Variants in STYK1 observed in about 807,000 individuals in gnomAD.
The protein encoded by STYK1 is STY kinase 1.
STYK1 carries 46 observed loss-of-function variants against 48.1 expected under a neutral mutation model. That is an observed-to-expected ratio of 0.96 (90% CI 0.75 to 1.22). STYK1 has a LOEUF of 1.22. STYK1 is among the 50% of genes most tolerant of loss of function. The pLI, the probability that STYK1 is intolerant of heterozygous loss-of-function variation, is 0.00. For synonymous variants in STYK1, 188 were observed against 189.0 expected, an observed-to-expected ratio of 0.99 and a Z score of 0.04; for missense variants, 527 against 521.1, an observed-to-expected ratio of 1.01 and a Z score of -0.11.
At position 10,673,956 on chromosome 12, in the gene STYK1, C is replaced by G. The variant is rs922731096; in HGVS notation, c.-195+10G>C. ...CCCGCCGCGCCCGCCCCCCATACCC[C>G]GTTCACTACCGTGTCCCTCCTCTGG... On this transcript the variant is annotated intron_variant, in intron 1 of 10. Transcript: ENST00000075503. 2 of 152,354 alleles carry G rather than the reference C, an allele frequency of 1.3e-5. No individual in the cohort carries two copies. Among genetic ancestry groups the G allele is most frequent in the African/African-American group, 2.4e-5 (1 of 41,438 alleles). The allele number at this position is 152,354 out of a possible 1,614,324, so 9.4% of individuals were successfully genotyped here. A position where few individuals can be genotyped will look rare whatever the true frequency, so the allele number is the denominator to read the frequency against.
At chr12:10,647,144 C>T (rs1217573729) in intron 1 of STYK1, among the ~76,000 whole-genome samples, 1 of 152,214 alleles carries the variant, frequency 6.6e-6, no homozygotes, top group Non-Finnish European at 1.5e-5. Context: ...GGGTTACCAT[C>T]CTCCAAAACC....
chr12:10,660,640 A>G (rs1171189492), intron 1 of STYK1, among the ~76,000 whole-genome samples: 4 of 32,436 alleles, frequency 1.2e-4, no homozygotes, highest in South Asian at 1.6e-3. Context: ...CTGATAAAAC[A>G]GAATGTGGCA....
chr12:10,663,535 C>G (rs551269565), intron 1 of STYK1, among the ~76,000 whole-genome samples: 14 of 126,732 alleles, frequency 1.1e-4, no homozygotes, highest in African/African-American at 3.7e-4. Context: ...GGAGGCGGAG[C>G]TTGCAGTGAG....
intron 1 of STYK1, among the ~76,000 whole-genome samples, chr12:10,665,013 C>T (rs181881153): frequency 3.8e-4 from 57 of 151,516 alleles, no homozygotes; most frequent in Admixed American, 3.3e-3. Flanking sequence ...GATGTGGGAC[C>T]TTCCAATCAT....
rs1224073105 is a variant in STYK1 at position 10,672,434 on chromosome 12, G to A, written c.-195+1532C>T. Among the ~76,000 whole-genome samples the A allele has an allele frequency of 1.3e-5, 2 of 151,818 alleles. No individual in the cohort carries two copies. The highest frequency in any genetic ancestry group is 1.5e-5 in the Non-Finnish European group (1 of 67,964). On this transcript the variant is annotated intron_variant, in intron 1 of 10. Coordinates refer to ENST00000075503, the MANE Select transcript of STYK1 (RefSeq NM_018423.3). This position sits in a 1 kb window ranked among gnomAD's most constrained non-coding sequence, Gnocchi z 4.0. ...TGTATTTTTGGTAGAGATGGGTTTC[G>A]CCAAGTTGCCCAGGCTGGTCTCAAA...
intron 1 of STYK1, among the ~76,000 whole-genome samples, chr12:10,668,949 G>C (rs1485510325): frequency 6.6e-6 from 1 of 152,166 alleles, no homozygotes; most frequent in Non-Finnish European, 1.5e-5. Flanking sequence ...CAGAAAGCAT[G>C]TTGGAGAACT....
intron 1 of STYK1, among the ~76,000 whole-genome samples, chr12:10,647,367 C>G (rs552439160): frequency 3.0e-4 from 45 of 152,350 alleles, no homozygotes; most frequent in African/African-American, 1.0e-3. Context: ...TAAGATTTGA[C>G]TGGTCTGCTG....
chr12:10,653,811 C>T (rs919625987), intron 1 of STYK1, among the ~76,000 whole-genome samples: 4 of 152,200 alleles, frequency 2.6e-5, no homozygotes, highest in Admixed American at 2.6e-4. Flanking sequence ...AAACGTGGCA[C>T]TGCATTAATG....
chr12:10,630,818 C>T (rs1054500527), intron 5 of STYK1, among the ~76,000 whole-genome samples: 1 of 151,916 alleles, frequency 6.6e-6, no homozygotes, highest in East Asian at 1.9e-4. Context: ...TTGTAGTAGT[C>T]ATTTTAGTTA....
intron 1 of STYK1, among the ~76,000 whole-genome samples, chr12:10,661,232 T>A: frequency 6.6e-6 from 1 of 152,366 alleles, no homozygotes. Flanking sequence ...AATTTTTATT[T>A]ACATTAAACA....
intron 3 of STYK1, 29 bp from the exon 4 acceptor site, chr12:10,634,153 G>C: frequency 6.9e-7 from 1 of 1,439,718 alleles, no homozygotes; most frequent in Non-Finnish European, 9.2e-7. Flanking sequence ...AGGAAGAGAA[G>C]AGAATGAAGA....
At chr12:10,631,735 T>C (rs1199181968) in intron 4 of STYK1, among the ~76,000 whole-genome samples, 1 of 152,202 alleles carries the variant, frequency 6.6e-6, no homozygotes, top group Non-Finnish European at 1.5e-5. Context: ...GTATGGATAA[T>C]TAATCAGCTT....
intron 1 of STYK1, among the ~76,000 whole-genome samples, chr12:10,649,706 G>A (rs1947638635): frequency 6.6e-6 from 1 of 152,122 alleles, no homozygotes. Context: ...TTTGATAGCA[G>A]AAATACAAAA....
At chr12:10,625,996 A>T (rs1193938552) in intron 7 of STYK1, among the ~76,000 whole-genome samples, 1 of 152,174 alleles carries the variant, frequency 6.6e-6, no homozygotes, top group African/African-American at 2.4e-5. Flanking sequence ...GAAAGTTGCA[A>T]AACTATACAT....
chr12:10,661,845 TG>T (rs1947779974), intron 1 of STYK1, among the ~76,000 whole-genome samples: 1 of 30,418 alleles, frequency 3.3e-5, no homozygotes, highest in African/African-American at 8.5e-5. Context: ...TAATATTACT[TG>T]TGTTTTATAA....
intron 1 of STYK1, among the ~76,000 whole-genome samples, chr12:10,649,056 T>C (rs1947631213): frequency 6.6e-6 from 1 of 152,210 alleles, no homozygotes; most frequent in Non-Finnish European, 1.5e-5. Flanking sequence ...ATTATATGTA[T>C]GTTTTTTAAA....
intron 1 of STYK1, among the ~76,000 whole-genome samples, chr12:10,663,186 C>T (rs1947795709): frequency 6.6e-6 from 1 of 152,142 alleles, no homozygotes; most frequent in African/African-American, 2.4e-5. Context: ...GTGATCAGAG[C>T]TCATTGCAGC....
chr12:10,640,470 G>A (rs757756380), intron 1 of STYK1, among the ~76,000 whole-genome samples: 5 of 152,186 alleles, frequency 3.3e-5, no homozygotes, highest in Admixed American at 6.5e-5. Context: ...AGGTTATCTC[G>A]TCCTCTCACT....
intron 1 of STYK1, among the ~76,000 whole-genome samples, chr12:10,647,035 A>G (rs182601971): frequency 2.0e-3 from 309 of 152,352 alleles, no homozygotes; most frequent in African/African-American, 7.2e-3. Context: ...CGGGGCCCTC[A>G]TGGAGAACCT....
Sources: gnomAD v4.1 joint callset for allele counts (sites outside exome capture counted in the v4.1 genomes callset) on GRCh38, gnomAD v4.1.1 for gene constraint, Gnocchi (gnomAD v3.1) non-coding constraint, MANE v1.5 for transcripts, NCBI Gene and HGNC (gene_info 2026-07-23, HGNC 2026-07-21) for gene names.